The following PPP1R9A variants were observed in gnomAD, a reference collection of about 807,000 sequenced individuals.
PPP1R9A encodes protein phosphatase 1 regulatory subunit 9A.
In PPP1R9A, 59 loss-of-function variants were observed where a neutral mutation model predicts 141.9. The observed-to-expected ratio is 0.42, with a 90% CI of 0.34 to 0.52. The LOEUF (loss-of-function observed/expected upper bound fraction) is 0.52, where lower values mean the gene tolerates loss of function less well. Among genes scored for constraint, PPP1R9A ranks in the 20% least tolerant of loss-of-function variants. PPP1R9A has a pLI of 0.10. For missense variants in PPP1R9A, 1,444 were observed against 1,611.9 expected (o/e 0.90, Z 1.78); for synonymous variants, 500 against 569.7 (o/e 0.88, Z 1.74).
At chr7:95,085,478 G>A (rs1169636016) in intron 2 of PPP1R9A, among the ~76,000 whole-genome samples, 2 of 143,116 alleles carry the variant, frequency 1.4e-5, no homozygotes, top group Admixed American at 7.3e-5. Context: ...ACAGTGGCAC[G>A]ATCTCGGCTC....
At chr7:95,069,672 G>T (rs565051182) in intron 2 of PPP1R9A, among the ~76,000 whole-genome samples, 3 of 152,230 alleles carry the variant, frequency 2.0e-5, no homozygotes, top group East Asian at 3.9e-4. Flanking sequence ...AGCAGTCAGG[G>T]TTCTCCACCT....
intron 2 of PPP1R9A, among the ~76,000 whole-genome samples, chr7:94,963,856 G>A (rs1797914499): frequency 6.6e-6 from 1 of 150,712 alleles, no homozygotes; most frequent in Admixed American, 6.7e-5. Context: ...TTGGCCTCAT[G>A]TGGGGGCATT....
chr7:95,288,368 C>T (rs907687842), intron 18 of PPP1R9A, among the ~76,000 whole-genome samples, 168 bp from the exon 19 acceptor site: 1 of 152,096 alleles, frequency 6.6e-6, no homozygotes, highest in African/African-American at 2.4e-5. Context: ...AACATAAAAA[C>T]ATATAGGTAA....
chr7:95,158,100 G>A (rs1277881464), intron 4 of PPP1R9A, among the ~76,000 whole-genome samples: 1 of 152,142 alleles, frequency 6.6e-6, no homozygotes, highest in Non-Finnish European at 1.5e-5. Context: ...CTAAGACAAT[G>A]TAGCATTGAT....
At chr7:95,264,286 G>A (rs1416629791) in intron 12 of PPP1R9A, among the ~76,000 whole-genome samples, 10 of 152,192 alleles carry the variant, frequency 6.6e-5, no homozygotes, top group Non-Finnish European at 1.5e-5. Context: ...AGGCGAGGCA[G>A]TGTGATGGCA....
At position 95,002,685 on chromosome 7, in the gene PPP1R9A, A is replaced by G. The variant is rs151244709; in HGVS notation, c.1395+91177A>G. ...AAAGAGGAACTATCATCTCCTAGGC[A>G]AAAACAGAACAGTGTAGAGTCAGGA... On this transcript the variant is annotated intron_variant, in intron 2 of 19. Transcript: ENST00000433360. Among the ~76,000 whole-genome samples, 23 of 152,318 alleles carry G rather than the reference A, an allele frequency of 1.5e-4. No homozygotes were observed. In the East Asian group the frequency reaches 4.1e-3, roughly 27 times the overall value.
At chr7:95,178,097 C>T (rs1242325278) in intron 5 of PPP1R9A, among the ~76,000 whole-genome samples, 1 of 152,102 alleles carries the variant, frequency 6.6e-6, no homozygotes, top group Admixed American at 6.6e-5. Flanking sequence ...TTCAACAGTG[C>T]ATGGAACTTT....
At chr7:95,050,531 C>G (rs114373998) in intron 2 of PPP1R9A, among the ~76,000 whole-genome samples, 2,065 of 152,016 alleles carry the variant, frequency 0.014, 55 homozygotes, top group African/African-American at 0.048. Flanking sequence ...AGTTCCAAAC[C>G]AGCCTGACCA....
intron 6 of PPP1R9A, among the ~76,000 whole-genome samples, chr7:95,201,286 C>T (rs2152869237): frequency 6.6e-6 from 1 of 152,266 alleles, no homozygotes; most frequent in East Asian, 1.9e-4. Context: ...TGCTATGTTA[C>T]TCCAAGTAAC....
chr7:94,957,506 A>G (rs1797192349), intron 2 of PPP1R9A, among the ~76,000 whole-genome samples: 1 of 152,100 alleles, frequency 6.6e-6, no homozygotes, highest in Non-Finnish European at 1.5e-5. Flanking sequence ...GTTATCAGGA[A>G]GCAAAAGTAA....
At chr7:94,997,990 T>C (rs1379703508) in intron 2 of PPP1R9A, among the ~76,000 whole-genome samples, 1 of 152,316 alleles carries the variant, frequency 6.6e-6, no homozygotes, top group Non-Finnish European at 1.5e-5. Context: ...AAATTTTTTT[T>C]CCTCAGTTTT....
chr7:95,132,712 C>G (rs1824884169), intron 4 of PPP1R9A, among the ~76,000 whole-genome samples: 2 of 152,034 alleles, frequency 1.3e-5, no homozygotes, highest in African/African-American at 4.8e-5. Context: ...GCAGGCTGCA[C>G]TTGGCTTGCA....
At chr7:95,249,423 A>G (rs932049829) in intron 9 of PPP1R9A, among the ~76,000 whole-genome samples, 2 of 152,124 alleles carry the variant, frequency 1.3e-5, no homozygotes, top group Non-Finnish European at 2.9e-5. Flanking sequence ...CCAAGGAGCT[A>G]TTTCAAGCAT....
intron 2 of PPP1R9A, among the ~76,000 whole-genome samples, chr7:95,074,491 TGAGACG>T (rs1412053384): frequency 6.9e-6 from 1 of 145,854 alleles, no homozygotes; most frequent in East Asian, 1.9e-4. Flanking sequence ...TTGTTTTTTT[TGAGACG>T]GAGTTTCTCT....
At chr7:94,997,461 T>C (rs1297694031) in intron 2 of PPP1R9A, among the ~76,000 whole-genome samples, 1 of 152,162 alleles carries the variant, frequency 6.6e-6, no homozygotes, top group African/African-American at 2.4e-5. Context: ...TTGAGGCTTT[T>C]ATCAAAACTT....
At chr7:94,933,442 G>A (rs1453115596) in intron 2 of PPP1R9A, among the ~76,000 whole-genome samples, 3 of 152,160 alleles carry the variant, frequency 2.0e-5, no homozygotes, top group African/African-American at 7.2e-5. Flanking sequence ...AGAATAGAAT[G>A]TGAAGTGGGA....
chr7:94,977,184 G>A lies in PPP1R9A; in HGVS notation c.1395+65676G>A, dbSNP rs535321015. 5.1e-4 allele frequency among the ~76,000 whole-genome samples: 77 copies of A among 152,216 alleles called. 1 individual carries two copies. The highest frequency in any genetic ancestry group is 3.1e-3 in the South Asian group (15 of 4,814). On this transcript the variant is annotated intron_variant, in intron 2 of 19. Transcript: ENST00000433360. The stretch of plus-strand genomic sequence containing the variant: ...GTGCCTGTTAGACATTCAAATTGAG[G>A]TGTTCGAAAGGCAGTTTAGGGGAGA...
chr7:95,134,052 G>C (rs976100895), intron 4 of PPP1R9A, among the ~76,000 whole-genome samples: 2 of 152,058 alleles, frequency 1.3e-5, no homozygotes, highest in Admixed American at 6.6e-5. Flanking sequence ...CAATAGCAAA[G>C]ACTTGGAACC....
intron 2 of PPP1R9A, among the ~76,000 whole-genome samples, chr7:94,927,321 A>T (rs1416389394): frequency 6.6e-6 from 1 of 152,182 alleles, no homozygotes; most frequent in Non-Finnish European, 1.5e-5. Context: ...TTCCATTTCT[A>T]AAATGAATTT....
Sources: allele counts gnomAD v4.1 joint callset (sites outside exome capture counted in the v4.1 genomes callset), GRCh38; gene constraint gnomAD v4.1.1; transcripts MANE v1.5; gene names NCBI Gene and HGNC (gene_info 2026-07-23, HGNC 2026-07-21).